Variants in SORCS2 observed in about 807,000 individuals in gnomAD.
SORCS2 encodes sortilin related VPS10 domain containing receptor 2, also known as VPS10 domain-containing receptor SorCS2.
Under a neutral mutation model 141.6 loss-of-function variants are expected in SORCS2, and 100 were observed. That is an observed-to-expected ratio of 0.71 (90% confidence interval 0.60 to 0.83). SORCS2 has a LOEUF of 0.83. SORCS2 is among the 40% of genes least tolerant of loss of function. The pLI is 0.00. For synonymous variants in SORCS2, 789 were observed against 676.9 expected (o/e 1.17, Z -2.57); for missense variants, 1,646 against 1,560.2 (o/e 1.05, Z -0.93).
At chr4:7,261,795 TGCCCTGGGCTTTGCCTGGGGAAGGG>T (rs1363048436) in intron 1 of SORCS2, among the ~76,000 whole-genome samples, 1 of 152,226 alleles carries the variant, frequency 6.6e-6, no homozygotes. Flanking sequence ...TCAGAGGCTG[TGCCCTGGGCTTTGCCTGGGGAAGGG>T]GCCCTGTGGG....
chr4:7,348,232 C>G (rs1012096467), intron 1 of SORCS2, among the ~76,000 whole-genome samples: 1 of 152,250 alleles, frequency 6.6e-6, no homozygotes, highest in Non-Finnish European at 1.5e-5. Flanking sequence ...CTACGTCCTT[C>G]AGGCACTTCA....
chr4:7,465,716 C>T (rs913462987), intron 2 of SORCS2, among the ~76,000 whole-genome samples: 1 of 152,212 alleles, frequency 6.6e-6, no homozygotes, highest in African/African-American at 2.4e-5. Flanking sequence ...AAGGCTTCCC[C>T]GCTTCTAATA....
chr4:7,497,795 C>G (rs867775609), intron 2 of SORCS2, among the ~76,000 whole-genome samples: 3 of 152,376 alleles, frequency 2.0e-5, no homozygotes, highest in Admixed American at 6.5e-5. Context: ...GAGAACCAGG[C>G]CTGGACCCAG....
At chr4:7,561,851 C>G (rs1714606968) in intron 3 of SORCS2, among the ~76,000 whole-genome samples, 1 of 152,166 alleles carries the variant, frequency 6.6e-6, no homozygotes, top group South Asian at 2.1e-4. Flanking sequence ...ATCCATCCAT[C>G]TACCCATCCA....
intron 2 of SORCS2, among the ~76,000 whole-genome samples, chr4:7,423,112 C>T (rs934356762): frequency 3.3e-5 from 5 of 151,944 alleles, no homozygotes; most frequent in African/African-American, 4.8e-5. Context: ...CCACCTCCTC[C>T]GAGCCACTCC....
intron 2 of SORCS2, among the ~76,000 whole-genome samples, chr4:7,413,391 C>CTTTT (rs34379092): frequency 0.016 from 1,358 of 84,762 alleles, 183 homozygotes; most frequent in Non-Finnish European, 0.021. Flanking sequence ...TTCACAGCTG[C>CTTTT]TTTTTTTTTT....
chr4:7,246,934 C>T (rs1039254478), intron 1 of SORCS2, among the ~76,000 whole-genome samples: 2 of 152,242 alleles, frequency 1.3e-5, no homozygotes, highest in African/African-American at 2.4e-5. Flanking sequence ...AGGCTCTACC[C>T]GCTTGCCTCC....
At chr4:7,349,399 C>T (rs564337364) in intron 1 of SORCS2, among the ~76,000 whole-genome samples, 40 of 152,230 alleles carry the variant, frequency 2.6e-4, no homozygotes, top group African/African-American at 8.7e-4. Flanking sequence ...GGCCCCGTGC[C>T]GCTGGAGCAC....
intron 1 of SORCS2, among the ~76,000 whole-genome samples, chr4:7,378,354 G>A (rs936202574): frequency 2.0e-4 from 30 of 152,086 alleles, no homozygotes; most frequent in Non-Finnish European, 2.8e-4. Flanking sequence ...AGAAATACCC[G>A]AGACTGGGTA....
At chr4:7,605,418 T>G (rs960969394) in intron 3 of SORCS2, among the ~76,000 whole-genome samples, 2 of 152,088 alleles carry the variant, frequency 1.3e-5, no homozygotes, top group African/African-American at 4.8e-5. Flanking sequence ...GGATAGGTGT[T>G]GGGGGGCACC....
intron 7 of SORCS2, among the ~76,000 whole-genome samples, chr4:7,666,741 G>A (rs757403936): frequency 3.9e-5 from 6 of 152,172 alleles, no homozygotes; most frequent in Admixed American, 2.6e-4. Flanking sequence ...AAAAGCACTC[G>A]AGATGGTGCC....
At chr4:7,533,027 C>T (rs1011606067) in intron 3 of SORCS2, among the ~76,000 whole-genome samples, 2 of 151,560 alleles carry the variant, frequency 1.3e-5, no homozygotes, top group Non-Finnish European at 2.9e-5. Flanking sequence ...TTCCCAGCCC[C>T]AGCCCTGGGG....
At chr4:7,326,964 A>G (rs924450821) in intron 1 of SORCS2, among the ~76,000 whole-genome samples, 3 of 152,124 alleles carry the variant, frequency 2.0e-5, no homozygotes, top group Admixed American at 6.5e-5. Flanking sequence ...TCCCCTGGTC[A>G]CCCGTGGCTG....
intron 2 of SORCS2, among the ~76,000 whole-genome samples, chr4:7,521,071 C>T (rs1052511446): frequency 6.6e-6 from 1 of 152,062 alleles, no homozygotes; most frequent in African/African-American, 2.4e-5. Context: ...CCTTGGGACT[C>T]AGTTTCCTGG....
chr4:7,615,267 A>G (rs1333544373), intron 3 of SORCS2, among the ~76,000 whole-genome samples: 2 of 152,228 alleles, frequency 1.3e-5, no homozygotes, highest in Non-Finnish European at 1.5e-5. Flanking sequence ...GAGAGACAAG[A>G]CCCTCCTATC....
intron 1 of SORCS2, among the ~76,000 whole-genome samples, chr4:7,310,924 T>G (rs757747301): frequency 6.6e-6 from 1 of 152,226 alleles, no homozygotes. Flanking sequence ...AAGAACAGTT[T>G]TATTGAGGTA....
intron 9 of SORCS2, among the ~76,000 whole-genome samples, chr4:7,679,921 A>G (rs1042989894): frequency 2.0e-5 from 3 of 152,150 alleles, no homozygotes; most frequent in Non-Finnish European, 4.4e-5. Flanking sequence ...ATTTTCATGG[A>G]GACCCAGCTG....
At chr4:7,427,156 G>A (rs1441761759) in intron 2 of SORCS2, among the ~76,000 whole-genome samples, 1 of 152,154 alleles carries the variant, frequency 6.6e-6, no homozygotes, top group Non-Finnish European at 1.5e-5. Context: ...CTCCAGGGTA[G>A]CGTTAATGGC....
intron 1 of SORCS2, among the ~76,000 whole-genome samples, chr4:7,314,814 T>G (rs1218942115): frequency 3.2e-4 from 26 of 80,484 alleles, no homozygotes; most frequent in Non-Finnish European, 4.2e-4. Flanking sequence ...TTTTTTTTTT[T>G]TTTTTTTTTT....
Sources: gnomAD v4.1 joint callset for allele counts (sites outside exome capture counted in the v4.1 genomes callset) on GRCh38, gnomAD v4.1.1 for gene constraint, MANE v1.5 for transcripts, NCBI Gene and HGNC (gene_info 2026-07-23, HGNC 2026-07-21) for gene names.